The following LRP6 variants were observed in gnomAD, a reference collection of about 807,000 sequenced individuals.
The protein encoded by LRP6 is LDL receptor related protein 6, also known as low-density lipoprotein receptor-related protein 6.
In LRP6, 43 loss-of-function variants were observed where a neutral mutation model predicts 184.1. The observed-to-expected ratio is 0.23, with a 90% confidence interval of 0.18 to 0.30. The LOEUF is 0.30. Ranked by LOEUF, LRP6 falls within the 10% of genes least tolerant of loss-of-function variation. The pLI is 1.00. For synonymous variants in LRP6, 719 were observed against 684.9 expected (o/e 1.05, Z -0.78); for missense variants, 1,571 against 2,005.3 (o/e 0.78, Z 4.14).
At chr12:12,244,718 T>G (rs1865143601) in intron 1 of LRP6, 63 bp from the exon 2 acceptor site, 1 of 1,551,214 alleles carries the variant, frequency 6.4e-7, no homozygotes. Flanking sequence ...TCTTATAAAC[T>G]GCGTTTCAAA....
rs200524580 is a variant in LRP6, at chr12:12,165,340, A to G, written c.1546-45T>C. 4.6e-4 allele frequency: 617 copies of G among 1,351,808 alleles called. 3 individuals carry two copies. The African/African-American group carries it at 8.0e-3, about 18-fold the overall frequency. The allele number at this position is 1,351,808 out of a possible 1,614,324, so 83.7% of individuals were successfully genotyped here. Reference sequence around the variant, plus strand: ...AGAGAAGGGGATGAATTATGCATTTATTCTTCAGCTAAAAATAACAAATCC... The same window carrying G: ...AGAGAAGGGGATGAATTATGCATTTGTTCTTCAGCTAAAAATAACAAATCC... On this transcript the variant is annotated intron_variant, in intron 7 of 22. Coordinates refer to ENST00000261349, the MANE Select transcript of LRP6 (RefSeq NM_002336.3).
chr12:12,257,673 G>A (rs529065350), intron 1 of LRP6, among the ~76,000 whole-genome samples: 1 of 143,522 alleles, frequency 7.0e-6, no homozygotes, highest in Non-Finnish European at 1.5e-5. Flanking sequence ...CAGGCATGGT[G>A]GCTCATGCCT....
At position 12,135,257 on chromosome 12, in the gene LRP6, A is replaced by C. The variant is rs1262597973; in HGVS notation, c.3651T>G (p.Ile1217Met). 6.2e-7 allele frequency: 1 copy of C among 1,613,874 alleles called. No homozygotes were observed. ...TAGTACCATCCCCCTTTACAAGACA[A>C]ATATGTGAACAGCCACCATTATCCT... Reference protein sequence around the residue: ...CAQDNGGCSHICLVKGDGTTR... With the variant: ...CAQDNGGCSHMCLVKGDGTTR... The change falls in exon 17 of 23, where the codon ATT becomes ATG. Residue 1217 changes from isoleucine to methionine, a missense_variant. Coordinates refer to ENST00000261349, the MANE Select transcript of LRP6 (RefSeq NM_002336.3).
chr12:12,133,441 T>C (rs543487926), intron 17 of LRP6, among the ~76,000 whole-genome samples: 1 of 152,184 alleles, frequency 6.6e-6, no homozygotes, highest in African/African-American at 2.4e-5. Flanking sequence ...CTCTCTCTCT[T>C]GCTCCCTCTT....
chr12:12,145,311 T>G (rs962348701), intron 15 of LRP6, among the ~76,000 whole-genome samples: 3 of 151,824 alleles, frequency 2.0e-5, no homozygotes, highest in African/African-American at 4.8e-5. Flanking sequence ...AGGGAGGCAT[T>G]TGAACCTGAA....
At chr12:12,161,272 CT>C (rs3216538) in intron 10 of LRP6, among the ~76,000 whole-genome samples, 36 of 147,760 alleles carry the variant, frequency 2.4e-4, no homozygotes, top group Admixed American at 3.4e-4. Context: ...CTGTTTACTT[CT>C]TTTTTTTTTT....
chr12:12,126,566 ATAATTGT>A (rs1949674175), intron 20 of LRP6, 118 bp downstream of exon 20: 1 of 777,534 alleles, frequency 1.3e-6, no homozygotes, highest in East Asian at 2.6e-5. Context: ...GTTTGTCCTT[ATAATTGT>A]TTAAACTCAG....
chr12:12,222,711 A>G (rs1864524228), intron 2 of LRP6, among the ~76,000 whole-genome samples: 1 of 152,122 alleles, frequency 6.6e-6, no homozygotes, highest in African/African-American at 2.4e-5. Flanking sequence ...ACTTATGACA[A>G]AAGTGTGGTC....
At chr12:12,181,561 T>C (rs1863345793) in intron 5 of LRP6, 122 bp from the exon 6 acceptor site, 1 of 699,932 alleles carries the variant, frequency 1.4e-6, no homozygotes, top group Admixed American at 2.1e-5. Context: ...CACAAAAGGA[T>C]GTGCACTCTC....
chr12:12,195,721 T>C (rs1034972833), intron 3 of LRP6, among the ~76,000 whole-genome samples: 7 of 152,172 alleles, frequency 4.6e-5, no homozygotes, highest in African/African-American at 1.7e-4. Context: ...TTTTTTGCTT[T>C]TGTTGCCTGC....
Position 12,165,131 on chromosome 12 carries a change from A to T in LRP6, c.1710T>A (p.Asp570Glu), listed in dbSNP as rs1862846335. 6.2e-7 allele frequency: 1 copy of T among 1,613,910 alleles called. No individual in the cohort carries two copies. The highest frequency in any genetic ancestry group is 1.1e-5 in the South Asian group (1 of 91,080). Residue 570 changes from aspartate (D) to glutamate (E), a missense_variant, in exon 8 of 23, where the codon GAT becomes GAA. Transcript: ENST00000261349. The part of the protein sequence containing the change: ...KRSAEREVII[D>E]QLPDLMGLKA... ...TTAGGCCCATGAGGTCAGGCAGCTG[A>T]TCTATGATCACTTCCCTCTCTGCAC...
intron 15 of LRP6, among the ~76,000 whole-genome samples, chr12:12,146,148 C>T (rs1204438817): frequency 6.6e-6 from 1 of 152,192 alleles, no homozygotes; most frequent in African/African-American, 2.4e-5. Context: ...CCATGAAGGA[C>T]TATCACAAAT....
intron 2 of LRP6, among the ~76,000 whole-genome samples, chr12:12,207,419 T>C (rs1864090890): frequency 6.7e-6 from 1 of 149,476 alleles, no homozygotes; most frequent in Non-Finnish European, 1.5e-5. Flanking sequence ...CTCAGGAGGC[T>C]GAGGCAGGGG....
chr12:12,238,235 A>C (rs1864973614), intron 2 of LRP6, among the ~76,000 whole-genome samples: 1 of 151,688 alleles, frequency 6.6e-6, no homozygotes, highest in Admixed American at 6.6e-5. Context: ...AAAAAAAAAA[A>C]CAGAAAGTGG....
intron 1 of LRP6, among the ~76,000 whole-genome samples, chr12:12,264,140 C>T (rs1865697525): frequency 6.6e-6 from 1 of 150,530 alleles, no homozygotes; most frequent in Non-Finnish European, 1.5e-5. Context: ...GACTTTGTCT[C>T]TTTAAAAAAA....
chr12:12,138,744 T>C (rs1949884169), intron 15 of LRP6: 4 of 1,472,892 alleles, frequency 2.7e-6, no homozygotes, highest in African/African-American at 1.4e-5. Context: ...AGCAAGTAAG[T>C]GCCCAATGTG....
chr12:12,165,658 A>G (rs747745560), intron 7 of LRP6, among the ~76,000 whole-genome samples: 1 of 152,176 alleles, frequency 6.6e-6, no homozygotes, highest in Non-Finnish European at 1.5e-5. Flanking sequence ...TTATTTTATC[A>G]TATATTTTGT....
intron 1 of LRP6, among the ~76,000 whole-genome samples, chr12:12,249,750 T>C (rs1250907264): frequency 6.6e-6 from 1 of 151,170 alleles, no homozygotes; most frequent in Non-Finnish European, 1.5e-5. Context: ...TTAATTAAAG[T>C]TCACCTGGTC....
At chr12:12,224,793 TAATA>T (rs1294711385) in intron 2 of LRP6, among the ~76,000 whole-genome samples, 1 of 152,148 alleles carries the variant, frequency 6.6e-6, no homozygotes, top group African/African-American at 2.4e-5. Context: ...TTGTCTTTCA[TAATA>T]AATAACAGTA....
Sources: allele counts gnomAD v4.1 joint callset (sites outside exome capture counted in the v4.1 genomes callset), GRCh38; gene constraint gnomAD v4.1.1; transcripts MANE v1.5; gene names NCBI Gene and HGNC (gene_info 2026-07-23, HGNC 2026-07-21).